CHTF18: variants seen among roughly 807,000 people sequenced by gnomAD.
CHTF18 encodes the protein chromosome transmission fidelity factor 18.
Under a neutral mutation model 113.4 loss-of-function variants are expected in CHTF18, and 151 were observed. The observed-to-expected ratio is 1.33, with a 90% CI of 1.17 to 1.52. CHTF18 has a LOEUF of 1.52. Ranked by LOEUF, CHTF18 falls within the 40% of genes most tolerant of loss-of-function variation. The pLI, the probability that CHTF18 is intolerant of heterozygous loss-of-function variation, is 0.00. For missense variants in CHTF18, 1,982 were observed against 1,381.6 expected (o/e 1.43, Z -6.89); for synonymous variants, 916 against 598.8 (o/e 1.53, Z -7.74).
Position 794,194 on chromosome 16 carries a change from T to C in CHTF18, c.1943T>C (p.Val648Ala). 2 of 1,611,154 alleles carry C rather than the reference T, an allele frequency of 1.2e-6. No homozygotes were observed. The highest frequency in any genetic ancestry group is 1.7e-6 in the Non-Finnish European group (2 of 1,178,776). ...AAASAGEHEK[V>A]VQGLFDNFLR... is the part of the protein sequence containing the mutation. ...GCCTCTGCGGGCGAGCACGAGAAGGTGGTCCAGGTACCTGTCTTCCACCAA... is the reference window on the plus strand; with the variant it reads ...GCCTCTGCGGGCGAGCACGAGAAGGCGGTCCAGGTACCTGTCTTCCACCAA... The change falls in exon 15 of 22, where the codon GTG (valine) becomes GCG (alanine). Residue 648 changes from valine (V) to alanine (A), a missense_variant. Val to Ala is a moderately conservative substitution (Grantham distance 64, BLOSUM62 0). Coordinates refer to ENST00000262315, the MANE Select transcript of CHTF18 (RefSeq NM_022092.3).
At position 791,932 on chromosome 16, in the gene CHTF18, G is replaced by T; in HGVS notation, c.1186G>T (p.Val396Leu). 3 of 1,609,122 alleles carry T rather than the reference G, an allele frequency of 1.9e-6. No individual in the cohort carries two copies. The highest frequency in any genetic ancestry group is 2.5e-6 in the Non-Finnish European group (3 of 1,178,396). The part of the protein sequence containing the change: ...VIARHAGYSV[V>L]EMNASDDRSP... ...TGCGCGTCACGCGGGGTACTCTGTGGTGGAGATGAACGCCAGGTGAGTGAT... is the reference window on the plus strand; with the variant it reads ...TGCGCGTCACGCGGGGTACTCTGTGTTGGAGATGAACGCCAGGTGAGTGAT... The change falls in exon 9 of 22, where the codon GTG becomes TTG. Residue 396 changes from valine (V) to leucine (L), a missense_variant. Transcript: ENST00000262315.
rs764782544 is a variant in CHTF18 at position 789,194 on chromosome 16, C to G, written c.287-16C>G. 5.8e-6 allele frequency: 9 copies of G among 1,550,568 alleles called. No individual in the cohort carries two copies. The highest frequency in any genetic ancestry group is 7.8e-6 in the Non-Finnish European group (9 of 1,147,130). On this transcript the variant is annotated splice_polypyrimidine_tract_variant and intron_variant, in intron 2 of 21. Transcript: ENST00000262315. ...GGCTGAGGAGGCCTCTGGTTCCCTG[C>G]ATGTGTCTCCCCCAGCCCCCAGGAT...
chr16:793,885 G>A (rs1477905999), intron 14 of CHTF18, 169 bp from the exon 15 acceptor site: 7 of 708,280 alleles, frequency 9.9e-6, no homozygotes, highest in Admixed American at 2.6e-5. Context: ...GGGGGTTGAG[G>A]TCCGGGCGTG....
chr16:793,215 C>T lies in CHTF18; in HGVS notation c.1743C>T (p.Asp581=), dbSNP rs772196910. ...DVQATRVGLK[D]QRRGLFSVWQ... ...AGGCCACACGCGTGGGCCTCAAGGA[C>T]CAGCGCAGAGGGCTCTTCTCGGTGT... is the stretch of plus-strand genomic sequence containing the variant. The change falls in exon 14 of 22, where the codon GAC becomes GAT. Residue 581 remains aspartate (D), a synonymous_variant. Coordinates refer to ENST00000262315, the MANE Select transcript of CHTF18 (RefSeq NM_022092.3). 5 of 1,609,460 alleles carry T rather than the reference C, an allele frequency of 3.1e-6. No individual in the cohort carries two copies. The highest frequency in any genetic ancestry group is 1.8e-4 in the Middle Eastern group (1 of 5,490).
intron 8 of CHTF18, 65 bp from the exon 9 acceptor site, chr16:791,786 G>A: frequency 1.3e-6 from 2 of 1,530,056 alleles, no homozygotes; most frequent in South Asian, 1.2e-5. Context: ...GCAGTCCCTG[G>A]CTGCTAGGCC....
rs1205995264 is a variant in CHTF18 at position 793,230 on chromosome 16, C to CT, written c.1760dup (p.Ser588LeufsTer26). 1 of 1,609,386 alleles carries CT rather than the reference C, an allele frequency of 6.2e-7. No homozygotes were observed. The highest frequency in any genetic ancestry group is 1.7e-5 in the Admixed American group (1 of 59,768). ...GCCTCAAGGACCAGCGCAGAGGGCT[C>CT]TTCTCGGTGTGGCAGGAGGTCTTCC... On this transcript the variant is annotated frameshift_variant, in exon 14 of 22. Coordinates refer to ENST00000262315, the MANE Select transcript of CHTF18 (RefSeq NM_022092.3). LOFTEE classifies it high-confidence loss of function.
rs774005600 is a variant in CHTF18, at chr16:792,888, C to T, written c.1572+77C>T. ...CCTCGTTCTGGCCCCTGTTTCCCTG[C>T]CCCTCCCCATGGAACCCTGGTAACC... On this transcript the variant is annotated intron_variant, in intron 12 of 21. Coordinates refer to ENST00000262315, the MANE Select transcript of CHTF18 (RefSeq NM_022092.3). 10 of 1,528,308 alleles carry T rather than the reference C, an allele frequency of 6.5e-6. No individual in the cohort carries two copies. The Admixed American group carries it at 1.4e-4, about 21-fold the overall frequency. 94.7% of individuals were successfully genotyped at this position (1,528,308 alleles called of 1,614,324 possible). A position where few individuals can be genotyped will look rare whatever the true frequency, so the allele number is the denominator to read the frequency against.
At position 793,265 on chromosome 16, in the gene CHTF18, G is replaced by A. The variant is rs1044922131; in HGVS notation, c.1793G>A (p.Arg598Gln). The change falls in exon 14 of 22, where the codon CGA becomes CAA. Residue 598 changes from arginine to glutamine, a missense_variant. Arg to Gln is a conservative substitution (Grantham distance 43). Transcript: ENST00000262315. ...SVWQEVFQLP[R>Q]AQRRRVGQDP... is the part of the protein sequence containing the mutation. Reference sequence around the variant, plus strand: ...TGGCAGGAGGTCTTCCAGCTGCCTCGAGCCCAGAGGTAGGCGGTGGCCACA... The same window carrying A: ...TGGCAGGAGGTCTTCCAGCTGCCTCAAGCCCAGAGGTAGGCGGTGGCCACA... 7 of 1,606,702 alleles carry A rather than the reference G, an allele frequency of 4.4e-6. No homozygotes were observed. In the East Asian group the frequency reaches 1.6e-4, roughly 36 times the overall value.
chr16:788,883 G>A, intron 1 of CHTF18, 48 bp from the exon 2 acceptor site: 10 of 1,505,280 alleles, frequency 6.6e-6, no homozygotes, highest in African/African-American at 1.4e-5. Flanking sequence ...CGCCGCTGGC[G>A]GGATCTGCTG....
intron 14 of CHTF18, 141 bp downstream of exon 14, chr16:793,415 CCCT>C: frequency 9.1e-7 from 1 of 1,099,612 alleles, no homozygotes; most frequent in Admixed American, 2.6e-5. Context: ...GCCTCCAGGG[CCCT>C]CCTCAGCCTT....
rs768684847 is a variant in CHTF18, at chr16:790,639, C to T, written c.867C>T (p.Arg289=). 1.3e-5 allele frequency: 20 copies of T among 1,595,166 alleles called. No homozygotes were observed. Among genetic ancestry groups the T allele is most frequent in the South Asian group, 2.3e-5 (2 of 87,896 alleles). ...HCLWVDEFAP[R]HYTELLSDDF... ...TCTGGGTGGATGAGTTTGCACCCCG[C>T]CACTACACGGAGCTGCTCAGTGATG... The change falls in exon 7 of 22, where the codon CGC becomes CGT. Residue 289 remains arginine, a synonymous_variant. Coordinates refer to ENST00000262315, the MANE Select transcript of CHTF18 (RefSeq NM_022092.3).
Position 795,822 on chromosome 16 carries a change from C to A in CHTF18, c.2313C>A (p.Pro771=). ...ALCLLLDILA[P]KLRPVSTQLY... is the part of the protein sequence containing the mutation. ...GCCTGCTCCTGGACATTCTTGCACC[C>A]AAGCTCCGCCCCGTGAGTGCCGTCC... The change falls in exon 17 of 22, where the codon CCC becomes CCA. Residue 771 remains proline (P), a synonymous_variant. Coordinates refer to ENST00000262315, the MANE Select transcript of CHTF18 (RefSeq NM_022092.3). 1 of 1,609,682 alleles carries A rather than the reference C, an allele frequency of 6.2e-7. No homozygotes were observed. Among genetic ancestry groups the A allele is most frequent in the East Asian group, 2.2e-5 (1 of 44,632 alleles).
Position 793,132 on chromosome 16 carries a change from C to T in CHTF18, c.1672-12C>T, listed in dbSNP as rs747162148. ...GAGTTGGCCGCTTCTCATGCCCCCG[C>T]CCTATGTCTAGTTCCTGTACAGCCG... On this transcript the variant is annotated splice_polypyrimidine_tract_variant and intron_variant, in intron 13 of 21. Transcript: ENST00000262315. 3.8e-6 allele frequency: 6 copies of T among 1,591,432 alleles called. No individual in the cohort carries two copies. Among genetic ancestry groups the T allele is most frequent in the Middle Eastern group, 3.9e-4 (2 of 5,186 alleles).
intron 8 of CHTF18, 179 bp from the exon 9 acceptor site, chr16:791,672 T>C: frequency 7.0e-7 from 1 of 1,420,752 alleles, no homozygotes; most frequent in South Asian, 1.5e-5. Context: ...TTTGTGTAGG[T>C]TTTTTTTTCC....
At position 796,988 on chromosome 16, in the gene CHTF18, G is replaced by A. The variant is rs2042367875; in HGVS notation, c.2629G>A (p.Gly877Ser). 1 of 1,537,402 alleles carries A rather than the reference G, an allele frequency of 6.5e-7. No individual in the cohort carries two copies. Among genetic ancestry groups the A allele is most frequent in the Non-Finnish European group, 8.8e-7 (1 of 1,141,168 alleles). ...GGATGGGAGCCCCCCAGGGCTCGAG[G>A]GTCTGCTGGGGGGCATTGGGGAGAA... ...QVDGSPPGLE[G>S]LLGGIGEKGV... is the part of the protein sequence containing the mutation. The change falls in exon 20 of 22, where the codon GGT becomes AGT. Residue 877 changes from glycine to serine, a missense_variant. Gly to Ser is a moderately conservative substitution (Grantham distance 56, BLOSUM62 0). Coordinates refer to ENST00000262315, the MANE Select transcript of CHTF18 (RefSeq NM_022092.3).
intron 21 of CHTF18, 35 bp from the exon 22 acceptor site, chr16:797,804 C>T: frequency 1.9e-6 from 3 of 1,583,792 alleles, no homozygotes; most frequent in South Asian, 1.1e-5. Context: ...TGTGGGGGGG[C>T]CTTACAGCTG....
At position 791,193 on chromosome 16, in the gene CHTF18, G is replaced by T; in HGVS notation, c.927G>T (p.Lys309Asn). 6.2e-7 allele frequency: 1 copy of T among 1,611,718 alleles called. No homozygotes were observed. The highest frequency in any genetic ancestry group is 8.5e-7 in the Non-Finnish European group (1 of 1,179,546). Reference protein sequence around the residue: ...FTNRCLLKWLKLWDLVVFGHE... With the variant: ...FTNRCLLKWLNLWDLVVFGHE... ...ACCGCTGCCTGCTCAAGTGGCTGAA[G>T]TTGTGGGACCTGGTGGTGTTTGGCC... The change falls in exon 8 of 22, where the codon AAG (lysine) becomes AAT (asparagine). Residue 309 changes from lysine (K) to asparagine (N), a missense_variant. By Grantham distance (94) the Lys-to-Asn change is moderately conservative (BLOSUM62 0). Coordinates refer to ENST00000262315, the MANE Select transcript of CHTF18 (RefSeq NM_022092.3).
Position 795,374 on chromosome 16 carries a change from C to T in CHTF18, c.2175+18C>T. 1 of 1,495,174 alleles carries T rather than the reference C, an allele frequency of 6.7e-7. No homozygotes were observed. Among genetic ancestry groups the T allele is most frequent in the Middle Eastern group, 2.4e-4 (1 of 4,236 alleles). The allele number at this position is 1,495,174 out of a possible 1,614,324, so 92.6% of individuals were successfully genotyped here. On this transcript the variant is annotated intron_variant, in intron 16 of 21. Coordinates refer to ENST00000262315, the MANE Select transcript of CHTF18 (RefSeq NM_022092.3). The stretch of plus-strand genomic sequence containing the variant: ...AGCAGGAGGTGTGCTCGTCCCTGCA[C>T]CACGCCTGCCCCCGGCCCCGTGCCC...
At position 797,052 on chromosome 16, in the gene CHTF18, G is replaced by C; in HGVS notation, c.2693G>C (p.Arg898Pro). Residue 898 changes from arginine to proline, a missense_variant, in exon 20 of 22, where the codon CGG becomes CCG. Transcript: ENST00000262315. Reference sequence around the variant, plus strand: ...CCTGCCCCACGCAACCATGAGCAGCGGCTGGAGCACATCATGAGGCGAGCG... The same window carrying C: ...CCTGCCCCACGCAACCATGAGCAGCCGCTGGAGCACATCATGAGGCGAGCG... ...HRPAPRNHEQ[R>P]LEHIMRRAAR... 1 of 1,557,520 alleles carries C rather than the reference G, an allele frequency of 6.4e-7. No individual in the cohort carries two copies. Among genetic ancestry groups the C allele is most frequent in the Non-Finnish European group, 8.7e-7 (1 of 1,152,668 alleles).
Sources: gnomAD v4.1 joint callset for allele counts on GRCh38, gnomAD v4.1.1 for gene constraint, MANE v1.5 for transcripts, NCBI Gene and HGNC (gene_info 2026-07-23, HGNC 2026-07-21) for gene names.